The following CEACAM20 variants were observed in gnomAD, a reference collection of about 807,000 sequenced individuals.
CEACAM20 encodes cell adhesion molecule CEACAM20.
In CEACAM20, 50 loss-of-function variants were observed where a neutral mutation model predicts 61.2. That is an observed-to-expected ratio of 0.82 (90% confidence interval 0.65 to 1.03). The LOEUF is 1.03. Ranked by LOEUF, CEACAM20 falls within the 50% of genes least tolerant of loss-of-function variation. The pLI is 0.00. For synonymous variants in CEACAM20, 282 were observed against 287.7 expected (o/e 0.98, Z 0.20); for missense variants, 683 against 736.4 (o/e 0.93, Z 0.84).
chr19:44,512,071 C>T lies in CEACAM20; in HGVS notation c.1521G>A (p.Leu507=), dbSNP rs1971019314. ...EHPTEPSSES[L]SPEYRNISQL... Reference sequence around the variant, plus strand: ...GGGATATATTGCGATACTCAGGACTCAGGCTTTCTAGAAAAAGTGAATCTC... The same window carrying T: ...GGGATATATTGCGATACTCAGGACTTAGGCTTTCTAGAAAAAGTGAATCTC... Residue 507 remains leucine, a synonymous_variant, in exon 9 of 12, where the codon CTG becomes CTA. Coordinates refer to ENST00000614924, the MANE Select transcript of CEACAM20 (RefSeq NM_001102597.3). The T allele has an allele frequency of 1.2e-6, 2 of 1,607,134 alleles. No individual in the cohort carries two copies. Among genetic ancestry groups the T allele is most frequent in the African/African-American group, 2.7e-5 (2 of 74,878 alleles).
intron 4 of CEACAM20, 44 bp from the exon 5 acceptor site, chr19:44,520,796 C>T (rs1442610368): frequency 1.9e-6 from 3 of 1,579,760 alleles, no homozygotes; most frequent in East Asian, 2.2e-5. Flanking sequence ...GGGAGATTTC[C>T]CTCATCTCCT....
In CEACAM20 at chr19:44,512,898, T is replaced by G; in HGVS notation, c.1483A>C (p.Lys495Gln). The change falls in exon 8 of 12, where the codon AAG becomes CAG. Residue 495 changes from lysine (K) to glutamine (Q), a missense_variant. Physicochemically the swap from Lys to Gln is moderately conservative, Grantham distance 53. Coordinates refer to ENST00000614924, the MANE Select transcript of CEACAM20 (RefSeq NM_001102597.3). The stretch of plus-strand genomic sequence containing the variant: ...CTGGGCTCTGTGGGGTGCTCCTCCT[T>G]CGGGATGGGTTGTGAGGTCTCATGA... Reference protein sequence around the residue: ...PSHETSQPIPKEEHPTEPSSE... With the variant: ...PSHETSQPIPQEEHPTEPSSE... 1 of 1,613,774 alleles carries G rather than the reference T, an allele frequency of 6.2e-7. No individual in the cohort carries two copies. The highest frequency in any genetic ancestry group is 8.5e-7 in the Non-Finnish European group (1 of 1,179,818).
At position 44,513,424 on chromosome 19, in the gene CEACAM20, A is replaced by G. The variant is rs554213003; in HGVS notation, c.1310-135T>C. The G allele has an allele frequency of 1.8e-5, 7 of 396,242 alleles. No individual in the cohort carries two copies. In the South Asian group the frequency reaches 2.0e-4, roughly 11 times the overall value. The allele number at this position is 396,242 out of a possible 1,614,324, so 24.5% of individuals were successfully genotyped here. A position where few individuals can be genotyped will look rare whatever the true frequency, so the allele number is the denominator to read the frequency against. ...TTTTCCAGTCGTTGGGAGGTATCAGATTGTGGTTTTTGGTTTTGCTTTTTT... is the reference window on the plus strand; with the variant it reads ...TTTTCCAGTCGTTGGGAGGTATCAGGTTGTGGTTTTTGGTTTTGCTTTTTT... On this transcript the variant is annotated intron_variant, in intron 6 of 11. Transcript: ENST00000614924.
chr19:44,522,232 TAGCTGGGACTAC>T (rs1204042936), intron 4 of CEACAM20, among the ~76,000 whole-genome samples: 1 of 151,812 alleles, frequency 6.6e-6, no homozygotes, highest in East Asian at 1.9e-4. Flanking sequence ...GCCTCCTGAG[TAGCTGGGACTAC>T]AGGCGCCCAC....
At chr19:44,512,551 G>T (rs1352945027) in intron 8 of CEACAM20, among the ~76,000 whole-genome samples, 2 of 152,296 alleles carry the variant, frequency 1.3e-5, no homozygotes, top group East Asian at 3.9e-4. Flanking sequence ...GGCTGGATTT[G>T]GATTCAGCAG....
rs767375183 is a variant in CEACAM20 at position 44,524,274 on chromosome 19, G to A, written c.197-13C>T. On this transcript the variant is annotated splice_polypyrimidine_tract_variant and intron_variant, in intron 2 of 11. Transcript: ENST00000614924. ...GGTTTGGCCAGCTCTGAAAGCAAGC[G>A]AGGGAGACAGAGGCAGAGACACAGG... 16 of 1,604,598 alleles carry A rather than the reference G, an allele frequency of 1.0e-5. No individual in the cohort carries two copies. Among genetic ancestry groups the A allele is most frequent in the Admixed American group, 3.4e-5 (2 of 59,554 alleles).
At chr19:44,511,550 A>G in intron 10 of CEACAM20, 87 bp downstream of exon 10, 1 of 1,309,598 alleles carries the variant, frequency 7.6e-7, no homozygotes, top group Non-Finnish European at 1.1e-6. Flanking sequence ...TTTAGACAAG[A>G]TGATCTCTCA....
chr19:44,520,733 T>G lies in CEACAM20; in HGVS notation c.771A>C (p.Gln257His), dbSNP rs1404355037. ...VRVLETLTMP[Q>H]VVPSSLNLVE... ...CAAGGTTCAGGCTTGAAGGCACGACTTGAGGCATGGTCAGTGTTTCTGGAA... is the reference window on the plus strand; with the variant it reads ...CAAGGTTCAGGCTTGAAGGCACGACGTGAGGCATGGTCAGTGTTTCTGGAA... The change falls in exon 5 of 12, where the codon CAA (glutamine) becomes CAC (histidine). Residue 257 changes from glutamine to histidine, a missense_variant. By Grantham distance (24) the Gln-to-His change is conservative. Transcript: ENST00000614924. The G allele has an allele frequency of 2.5e-6, 4 of 1,613,332 alleles. No individual in the cohort carries two copies. Among genetic ancestry groups the G allele is most frequent in the Non-Finnish European group, 3.4e-6 (4 of 1,179,554 alleles).
chr19:44,508,775 A>ATGTAT (rs1359578588), intron 11 of CEACAM20, among the ~76,000 whole-genome samples: 1 of 152,218 alleles, frequency 6.6e-6, no homozygotes, highest in Non-Finnish European at 1.5e-5. Context: ...TAAGAGATAT[A>ATGTAT]GTGGCAGATA....
At chr19:44,512,157 A>G in intron 8 of CEACAM20, 79 bp from the exon 9 acceptor site, 1 of 1,077,356 alleles carries the variant, frequency 9.3e-7, no homozygotes, top group Non-Finnish European at 1.4e-6. Flanking sequence ...AGGACCCCTG[A>G]CCCCAGGAAG....
At chr19:44,528,976 T>G (rs1971627075) in intron 1 of CEACAM20, among the ~76,000 whole-genome samples, 1 of 144,368 alleles carries the variant, frequency 6.9e-6, no homozygotes, top group Non-Finnish European at 1.5e-5. Flanking sequence ...TTTTTTTTTT[T>G]GAGACAGGGT....
rs1191551402 is a variant in CEACAM20 at position 44,516,991 on chromosome 19, G to C, written c.1264C>G (p.Leu422Val). 2 of 1,598,848 alleles carry C rather than the reference G, an allele frequency of 1.3e-6. No homozygotes were observed. Among genetic ancestry groups the C allele is most frequent in the Non-Finnish European group, 8.5e-7 (1 of 1,173,116 alleles). ...GAAGTGGAGCGGGCCAGGCCAGTGA[G>C]AGAGTTGGAGGCTGTGCAGTTGTAG... is the stretch of plus-strand genomic sequence containing the variant. ...GIYNCTASNS[L>V]TGLARSTSVL... Residue 422 changes from leucine (L) to valine (V), a missense_variant, in exon 6 of 12, where the codon CTC becomes GTC. By Grantham distance (32) the Leu-to-Val change is conservative. Transcript: ENST00000614924.
rs755597756 is a variant in CEACAM20 at position 44,524,175 on chromosome 19, C to T, written c.283G>A (p.Val95Ile). 1.1e-5 allele frequency: 18 copies of T among 1,613,812 alleles called. No homozygotes were observed. Among genetic ancestry groups the T allele is most frequent in the African/African-American group, 6.7e-5 (5 of 74,904 alleles). ...GAAACCCAGTGGATGGTAATGTTGA[C>T]GTCCTTAGTGGTGCAGTAGAAGGTC... is the stretch of plus-strand genomic sequence containing the variant. ...MVTFYCTTKD[V>I]NITIHWVSNN... The change falls in exon 3 of 12, where the codon GTC becomes ATC. Residue 95 changes from valine to isoleucine, a missense_variant. Val to Ile is a conservative substitution (Grantham distance 29). Transcript: ENST00000614924.
intron 1 of CEACAM20, among the ~76,000 whole-genome samples, chr19:44,528,782 T>C (rs538328903): frequency 1.3e-5 from 2 of 151,728 alleles, no homozygotes; most frequent in South Asian, 4.2e-4. Context: ...TGTCTCTGTC[T>C]CTCTGTGTCT....
intron 11 of CEACAM20, among the ~76,000 whole-genome samples, chr19:44,507,676 G>A (rs934935375): frequency 7.9e-5 from 12 of 152,098 alleles, no homozygotes; most frequent in Admixed American, 6.5e-5. Flanking sequence ...ATCCCCATTC[G>A]AACTACATTC....
At chr19:44,510,485 T>C (rs1206773114) in intron 11 of CEACAM20, among the ~76,000 whole-genome samples, 2 of 143,744 alleles carry the variant, frequency 1.4e-5, no homozygotes, top group Non-Finnish European at 3.0e-5. Context: ...TGCACTCCAG[T>C]CTGGGTGATG....
intron 5 of CEACAM20, 51 bp from the exon 6 acceptor site, chr19:44,517,275 C>T (rs1428093824): frequency 3.2e-6 from 5 of 1,571,280 alleles, no homozygotes; most frequent in African/African-American, 2.7e-5. Flanking sequence ...AGCGAGTCAT[C>T]CCATTCTGCC....
intron 4 of CEACAM20, among the ~76,000 whole-genome samples, chr19:44,521,245 G>C (rs1289107880): frequency 6.6e-6 from 1 of 151,846 alleles, no homozygotes. Flanking sequence ...TGTGTCTGTT[G>C]TATATATGTG....
At chr19:44,528,443 C>T (rs1971603205) in intron 1 of CEACAM20, among the ~76,000 whole-genome samples, 1 of 152,134 alleles carries the variant, frequency 6.6e-6, no homozygotes, top group Non-Finnish European at 1.5e-5. Context: ...CTAGGCTGGT[C>T]TTGAACTCCT....
Sources: gnomAD v4.1 joint callset for allele counts (sites outside exome capture counted in the v4.1 genomes callset) on GRCh38, gnomAD v4.1.1 for gene constraint, MANE v1.5 for transcripts, NCBI Gene and HGNC (gene_info 2026-07-23, HGNC 2026-07-21) for gene names.